Variants in CAPN3 observed in about 807,000 individuals in gnomAD.
CAPN3 encodes the protein calpain 3, also known as calpain-3.
CAPN3 carries 88 observed loss-of-function variants against 114.0 expected under a neutral mutation model. That is an observed-to-expected ratio of 0.77 (90% confidence interval 0.65 to 0.92). The LOEUF (loss-of-function observed/expected upper bound fraction) is 0.92, where lower values mean the gene tolerates loss of function less well. Ranked by LOEUF, CAPN3 falls within the 40% of genes least tolerant of loss-of-function variation. The pLI is 0.00. For missense variants in CAPN3, 1,028 were observed against 1,069.0 expected, an observed-to-expected ratio of 0.96 and a Z score of 0.53; for synonymous variants, 386 against 382.9, an observed-to-expected ratio of 1.01 and a Z score of -0.09.
intron 1 of CAPN3, among the ~76,000 whole-genome samples, chr15:42,369,088 G>C (rs2052865734): frequency 6.6e-6 from 1 of 152,194 alleles, no homozygotes; most frequent in African/African-American, 2.4e-5. Context: ...AAGGGTTCAG[G>C]GTGAGAGAGC....
Position 42,390,150 on chromosome 15 carries a change from C to T in CAPN3, c.945+54C>T, listed in dbSNP as rs929604853. 14 of 1,603,794 alleles carry T rather than the reference C, an allele frequency of 8.7e-6. No individual in the cohort carries two copies. The African/African-American group carries it at 1.3e-4, about 15-fold the overall frequency. ...ACCATCCCTCCAACCCACATGACCC[C>T]GCCCTATTAGTGTCAGACTCCCCTC... On this transcript the variant is annotated intron_variant, in intron 6 of 23. Coordinates refer to ENST00000397163, the MANE Select transcript of CAPN3 (RefSeq NM_000070.3).
intron 1 of CAPN3, among the ~76,000 whole-genome samples, chr15:42,368,460 G>T (rs1012869158): frequency 6.6e-6 from 1 of 152,190 alleles, no homozygotes; most frequent in Non-Finnish European, 1.5e-5. Flanking sequence ...TCAGTTGGCT[G>T]TGAGTTCAAT....
At chr15:42,369,950 G>T (rs111873324) in intron 1 of CAPN3, among the ~76,000 whole-genome samples, 7,843 of 148,244 alleles carry the variant, frequency 0.053, 634 homozygotes, top group African/African-American at 0.17. Flanking sequence ...TTGGCTTACT[G>T]CAACATACAT....
At chr15:42,408,560 C>T in intron 16 of CAPN3, 1 of 508,758 alleles carries the variant, frequency 2.0e-6, no homozygotes, top group Non-Finnish European at 3.7e-6. Context: ...CTGAGCCTCC[C>T]ATGGAGCTGA....
chr15:42,402,019 G>A, intron 11 of CAPN3, 105 bp from the exon 12 acceptor site: 1 of 1,479,078 alleles, frequency 6.8e-7, no homozygotes, highest in Non-Finnish European at 9.4e-7. Flanking sequence ...ACAGGTGCCT[G>A]GGGGTCAGGC....
intron 14 of CAPN3, 149 bp from the exon 15 acceptor site, chr15:42,405,777 C>G: frequency 1.5e-6 from 1 of 655,548 alleles, no homozygotes; most frequent in Non-Finnish European, 2.8e-6. Flanking sequence ...CCTCCATGCC[C>G]CTTTTTGGCT....
At chr15:42,389,589 G>C (rs1484263580) in intron 5 of CAPN3, among the ~76,000 whole-genome samples, 1 of 152,192 alleles carries the variant, frequency 6.6e-6, no homozygotes, top group Non-Finnish European at 1.5e-5. Context: ...CAAGGGTAGG[G>C]AGATGGCCGC....
At chr15:42,383,785 C>A (rs1024388163) in intron 1 of CAPN3, among the ~76,000 whole-genome samples, 1 of 151,748 alleles carries the variant, frequency 6.6e-6, no homozygotes, top group African/African-American at 2.4e-5. Flanking sequence ...GTTGGCCAGG[C>A]TGGTCTTGAA....
At chr15:42,388,866 G>C in intron 4 of CAPN3, 62 bp from the exon 5 acceptor site, 1 of 1,426,010 alleles carries the variant, frequency 7.0e-7, no homozygotes, top group Non-Finnish European at 9.9e-7. Context: ...GGTGGCAGTG[G>C]TACCTGGGTT....
chr15:42,409,960 C>T lies in CAPN3; in HGVS notation c.2080C>T (p.Leu694=), dbSNP rs2054156832. 1.9e-6 allele frequency: 3 copies of T among 1,612,172 alleles called. No homozygotes were observed. Among genetic ancestry groups the T allele is most frequent in the Admixed American group, 1.7e-5 (1 of 59,996 alleles). Residue 694 remains leucine, a synonymous_variant, in exon 19 of 24, where the codon CTG becomes TTG. Transcript: ENST00000397163. ...GGACCTGAAGACACACGGGTTCACACTGGAGTCCTGCCGTAGCATGATTGC... is the reference window on the plus strand; with the variant it reads ...GGACCTGAAGACACACGGGTTCACATTGGAGTCCTGCCGTAGCATGATTGC... ...HKDLKTHGFT[L]ESCRSMIALM... is the part of the protein sequence containing the mutation.
chr15:42,375,411 C>T (rs985376937), intron 1 of CAPN3, among the ~76,000 whole-genome samples: 1 of 151,996 alleles, frequency 6.6e-6, no homozygotes, highest in East Asian at 1.9e-4. Flanking sequence ...TACCTTATGG[C>T]GCAACCGAGA....
In CAPN3 at chr15:42,410,923, T is replaced by A. The variant is rs1012923120; in HGVS notation, c.2303T>A (p.Met768Lys). The A allele has an allele frequency of 6.2e-7, 1 of 1,614,106 alleles. No individual in the cohort carries two copies. Among genetic ancestry groups the A allele is most frequent in the African/African-American group, 1.3e-5 (1 of 74,942 alleles). Residue 768 changes from methionine to lysine, a missense_variant, in exon 22 of 24, where the codon ATG becomes AAG. Coordinates refer to ENST00000397163, the MANE Select transcript of CAPN3 (RefSeq NM_000070.3). ...LNNQLYDIIT[M>K]RYADKHMNID... The stretch of plus-strand genomic sequence containing the variant: ...AACCAGCTCTATGACATCATTACCA[T>A]GCGGTACGCAGACAAACACATGAAC...
chr15:42,388,917 C>T lies in CAPN3; in HGVS notation c.633-11C>T. ...CTGTGACCCCAAATTGGTCTTCATC[C>T]TCTCTCTAAGGCTCCATGGTTCCTA... On this transcript the variant is annotated splice_polypyrimidine_tract_variant and intron_variant, in intron 4 of 23. Coordinates refer to ENST00000397163, the MANE Select transcript of CAPN3 (RefSeq NM_000070.3). 1 of 1,613,602 alleles carries T rather than the reference C, an allele frequency of 6.2e-7. No individual in the cohort carries two copies. Among genetic ancestry groups the T allele is most frequent in the East Asian group, 2.2e-5 (1 of 44,882 alleles).
Position 42,389,093 on chromosome 15 carries a change from T to G in CAPN3, c.798T>G (p.Ile266Met). ...GAGGCTCCCTCATGGGCTGCTCCAT[T>G]GATGTAAGTCTGGGGTGTGGGGCAC... ...IERGSLMGCS[I>M]DDGTNMTYGT... The change falls in exon 5 of 24, where the codon ATT (isoleucine) becomes ATG (methionine). Residue 266 changes from isoleucine to methionine, a missense_variant. Ile to Met is a conservative substitution (Grantham distance 10). Coordinates refer to ENST00000397163, the MANE Select transcript of CAPN3 (RefSeq NM_000070.3). 6.2e-7 allele frequency: 1 copy of G among 1,613,850 alleles called. No individual in the cohort carries two copies. The highest frequency in any genetic ancestry group is 8.5e-7 in the Non-Finnish European group (1 of 1,179,940).
At chr15:42,396,241 A>ATTTTT (rs554769961) in intron 8 of CAPN3, among the ~76,000 whole-genome samples, 1 of 125,784 alleles carries the variant, frequency 8.0e-6, no homozygotes, top group Non-Finnish European at 1.7e-5. Flanking sequence ...TCCAGAACCC[A>ATTTTT]TTTTTTTTTT....
Position 42,412,122 on chromosome 15 carries a change from C to T in CAPN3, c.*349C>T. 2 of 1,535,966 alleles carry T rather than the reference C, an allele frequency of 1.3e-6. No individual in the cohort carries two copies. The highest frequency in any genetic ancestry group is 1.4e-5 in the African/African-American group (1 of 73,156). On this transcript the variant is annotated 3_prime_UTR_variant, in exon 24 of 24. Coordinates refer to ENST00000397163, the MANE Select transcript of CAPN3 (RefSeq NM_000070.3). ...AAGCACCTGCCGGTGGCACTCAGCA[C>T]CTCCTTGTGCTAGAGCCCTCCATCA...
intron 16 of CAPN3, chr15:42,408,874 T>C: frequency 3.6e-6 from 1 of 276,326 alleles, no homozygotes; most frequent in Non-Finnish European, 7.0e-6. Flanking sequence ...TGGGAGCCCC[T>C]CTTCTATCTG....
chr15:42,391,297 A>T (rs373240178), intron 6 of CAPN3, among the ~76,000 whole-genome samples: 101 of 152,298 alleles, frequency 6.6e-4, no homozygotes, highest in African/African-American at 2.4e-3. Flanking sequence ...ACATCTTTGT[A>T]TACATCCATG....
chr15:42,405,872 C>G lies in CAPN3; in HGVS notation c.1783-54C>G, dbSNP rs868549486. 1.1e-5 allele frequency: 16 copies of G among 1,489,208 alleles called. No homozygotes were observed. In the South Asian group the frequency reaches 1.8e-4, roughly 17 times the overall value. The allele number at this position is 1,489,208 out of a possible 1,614,324, so 92.2% of individuals were successfully genotyped here. Reference sequence around the variant, plus strand: ...GGGAAGCCAAAAGCCACTGGCGGTTCTGAGAACTTACTTTTCACTTATTCT... The same window carrying G: ...GGGAAGCCAAAAGCCACTGGCGGTTGTGAGAACTTACTTTTCACTTATTCT... On this transcript the variant is annotated intron_variant, in intron 14 of 23. Transcript: ENST00000397163.
Sources: gnomAD v4.1 joint callset for allele counts (sites outside exome capture counted in the v4.1 genomes callset) on GRCh38, gnomAD v4.1.1 for gene constraint, MANE v1.5 for transcripts, NCBI Gene and HGNC (gene_info 2026-07-23, HGNC 2026-07-21) for gene names.